The following NR6A1 variants were observed in gnomAD, a reference collection of about 807,000 sequenced individuals.
NR6A1 encodes retinoic acid receptor-related testis-associated receptor.
Under a neutral mutation model 59.1 loss-of-function variants are expected in NR6A1, and 7 were observed. The ratio of observed to expected loss-of-function variants is 0.12; its 90% CI spans 0.07 to 0.22. The LOEUF is 0.22. NR6A1 is among the 10% of genes least tolerant of loss of function. The pLI is 1.00. For missense variants in NR6A1, 468 were observed against 611.6 expected (o/e 0.77, Z 2.48); for synonymous variants, 243 against 236.1 (o/e 1.03, Z -0.27).
intron 1 of NR6A1, among the ~76,000 whole-genome samples, chr9:124,738,037 C>T (rs1347337832): frequency 3.9e-5 from 6 of 151,982 alleles, no homozygotes; most frequent in South Asian, 2.1e-4. Flanking sequence ...GGGCAGATCA[C>T]GAGGCCAGGA....
intron 2 of NR6A1, chr9:124,693,572 C>A: frequency 2.6e-6 from 1 of 386,020 alleles, no homozygotes; most frequent in South Asian, 2.0e-5. Context: ...GTTATGGACA[C>A]CTGTGTGGGC....
At chr9:124,752,969 G>A (rs1840547524) in intron 1 of NR6A1, among the ~76,000 whole-genome samples, 1 of 152,032 alleles carries the variant, frequency 6.6e-6, no homozygotes, top group Non-Finnish European at 1.5e-5. Flanking sequence ...GTAAGGAGGG[G>A]GTACCTAGGC....
intron 2 of NR6A1, among the ~76,000 whole-genome samples, chr9:124,689,331 A>G (rs1838447190): frequency 6.6e-6 from 1 of 152,066 alleles, no homozygotes. Context: ...TCTGGCTCCA[A>G]AATCTGCTCT....
chr9:124,564,615 T>C (rs1359638287), intron 2 of NR6A1, among the ~76,000 whole-genome samples: 2 of 152,138 alleles, frequency 1.3e-5, no homozygotes, highest in African/African-American at 4.8e-5. Flanking sequence ...ATGACGCTCA[T>C]GGATTGGAAG....
chr9:124,556,000 C>T (rs1481565563), intron 2 of NR6A1, among the ~76,000 whole-genome samples: 2 of 152,182 alleles, frequency 1.3e-5, no homozygotes, highest in Non-Finnish European at 2.9e-5. Flanking sequence ...AAGGAGGTGG[C>T]TTGCATTTCT....
chr9:124,598,797 C>CT lies in NR6A1; in HGVS notation c.143-44228dup, dbSNP rs905297357. 1.2e-5 allele frequency: 11 copies of CT among 898,242 alleles called. No individual in the cohort carries two copies. The African/African-American group carries it at 1.7e-4, about 14-fold the overall frequency. The allele number at this position is 898,242 out of a possible 1,614,324, so 55.6% of individuals were successfully genotyped here. A position where few individuals can be genotyped will look rare whatever the true frequency, so the allele number is the denominator to read the frequency against. Reference sequence around the variant, plus strand: ...TTCCGCCACTTTTTCGGCATGATCGCTTTTTTGCCGGATCTTTTCTTTTCT... The same window carrying CT: ...TTCCGCCACTTTTTCGGCATGATCGCTTTTTTTGCCGGATCTTTTCTTTTCT... On this transcript the variant is annotated intron_variant, in intron 2 of 9. Transcript: ENST00000487099.
At chr9:124,642,486 AT>A (rs964565589) in intron 2 of NR6A1, among the ~76,000 whole-genome samples, 7 of 152,144 alleles carry the variant, frequency 4.6e-5, no homozygotes, top group South Asian at 2.1e-4. Context: ...AGGTGAAATA[AT>A]TTTTTTTAAT....
intron 7 of NR6A1, among the ~76,000 whole-genome samples, chr9:124,530,208 C>A (rs7043618): frequency 6.6e-6 from 1 of 151,970 alleles, no homozygotes; most frequent in Non-Finnish European, 1.5e-5. Context: ...CTTTCTCTTG[C>A]GGACAGCACA....
intron 2 of NR6A1, among the ~76,000 whole-genome samples, chr9:124,688,848 G>C (rs1001102376): frequency 6.6e-6 from 1 of 152,082 alleles, no homozygotes; most frequent in Admixed American, 6.5e-5. Flanking sequence ...AATCCATAGC[G>C]GATTTTTAAA....
chr9:124,750,397 T>C (rs79993792), intron 1 of NR6A1, among the ~76,000 whole-genome samples: 1,575 of 152,302 alleles, frequency 0.01, 27 homozygotes, highest in African/African-American at 0.036. Flanking sequence ...AACAGCATCT[T>C]TCTCCAACAT....
In NR6A1 at chr9:124,540,099, T is replaced by C; in HGVS notation, c.530A>G (p.His177Arg). 2.5e-6 allele frequency: 4 copies of C among 1,613,324 alleles called. No homozygotes were observed. The highest frequency in any genetic ancestry group is 3.4e-6 in the Non-Finnish European group (4 of 1,179,920). Residue 177 changes from histidine (H) to arginine (R), a missense_variant, in exon 5 of 10, where the codon CAC (histidine) becomes CGC (arginine). His to Arg is a conservative substitution (Grantham distance 29, BLOSUM62 0). This residue lies in a region of NR6A1 where 151 missense variants were observed against 142.8 expected (regional missense o/e 1.06). Transcript: ENST00000487099. The part of the protein sequence containing the change: ...NHWSNHGDSD[H>R]SSPGNRASES... ...CGAAGCCCTGTTCCCAGGGGAACTG[T>C]GGTCACTATCACCATGGTTGCTCCA...
intron 2 of NR6A1, among the ~76,000 whole-genome samples, chr9:124,568,746 T>C (rs534674325): frequency 1.3e-5 from 2 of 151,902 alleles, no homozygotes; most frequent in South Asian, 4.2e-4. Context: ...CTTCAAAAGA[T>C]AGACTTCCCA....
At chr9:124,592,361 A>G (rs1835152470) in intron 2 of NR6A1, among the ~76,000 whole-genome samples, 2 of 152,198 alleles carry the variant, frequency 1.3e-5, no homozygotes, top group Admixed American at 6.5e-5. Context: ...TTTGTTAGTA[A>G]TATTTGTATG....
chr9:124,567,073 A>C (rs889402627), intron 2 of NR6A1, among the ~76,000 whole-genome samples: 3 of 151,244 alleles, frequency 2.0e-5, no homozygotes, highest in Admixed American at 6.6e-5. Context: ...CCGCCACTGC[A>C]CTCCAGCCTG....
chr9:124,614,798 T>C (rs1251825884), intron 2 of NR6A1, among the ~76,000 whole-genome samples: 1 of 152,226 alleles, frequency 6.6e-6, no homozygotes, highest in Non-Finnish European at 1.5e-5. Context: ...TTGGTGCTTT[T>C]CAAGTCTCTG....
chr9:124,758,641 G>GT (rs1311446966), intron 1 of NR6A1, among the ~76,000 whole-genome samples: 1 of 152,136 alleles, frequency 6.6e-6, no homozygotes, highest in Admixed American at 6.5e-5. Flanking sequence ...CATCAGAACT[G>GT]TAACTGTAAA....
chr9:124,584,339 T>C (rs1046281273), intron 2 of NR6A1, among the ~76,000 whole-genome samples: 1 of 152,032 alleles, frequency 6.6e-6, no homozygotes, highest in Non-Finnish European at 1.5e-5. Context: ...TCTCCTGACG[T>C]CATGATCTGC....
intron 2 of NR6A1, among the ~76,000 whole-genome samples, chr9:124,657,679 G>A (rs1216835402): frequency 6.6e-6 from 1 of 152,130 alleles, no homozygotes; most frequent in Non-Finnish European, 1.5e-5. Flanking sequence ...AGAGCAGACC[G>A]TGGCTGTCTT....
chr9:124,536,695 G>A (rs1230359284), intron 6 of NR6A1, among the ~76,000 whole-genome samples: 2 of 151,246 alleles, frequency 1.3e-5, no homozygotes, highest in African/African-American at 4.9e-5. Flanking sequence ...GTGTCCAATT[G>A]TCAGGGAATA....
Sources: gnomAD v4.1 joint callset for allele counts (sites outside exome capture counted in the v4.1 genomes callset) on GRCh38, gnomAD v4.1.1 for gene constraint, gnomAD v4.1.1 regional missense constraint, MANE v1.5 for transcripts, NCBI Gene and HGNC (gene_info 2026-07-23, HGNC 2026-07-21) for gene names.